Variants in ARHGAP44 observed in about 807,000 individuals in gnomAD.
The protein encoded by ARHGAP44 is rho GTPase-activating protein 44.
A neutral mutation model predicts 106.8 loss-of-function variants in ARHGAP44; 43 were observed. That is an observed-to-expected ratio of 0.40 (90% CI 0.32 to 0.52). The LOEUF is 0.52. Among genes scored for constraint, ARHGAP44 ranks in the 20% least tolerant of loss-of-function variants. The pLI is 0.48. For missense variants in ARHGAP44, 866 were observed against 1,050.5 expected (o/e 0.82, Z 2.43); for synonymous variants, 439 against 410.3 (o/e 1.07, Z -0.85).
At chr17:12,807,779 A>G (rs1322161328) in intron 1 of ARHGAP44, among the ~76,000 whole-genome samples, 2 of 152,176 alleles carry the variant, frequency 1.3e-5, no homozygotes, top group Non-Finnish European at 2.9e-5. Context: ...TCACATTTCA[A>G]AACCAACCAT....
chr17:12,874,068 G>A (rs1481001414), intron 1 of ARHGAP44, among the ~76,000 whole-genome samples: 1 of 152,192 alleles, frequency 6.6e-6, no homozygotes, highest in Admixed American at 6.5e-5. Context: ...CAGTGAGTCA[G>A]TGATGTCATG....
intron 1 of ARHGAP44, among the ~76,000 whole-genome samples, chr17:12,814,879 CCTTTA>C (rs1171230661): frequency 1.3e-5 from 2 of 152,138 alleles, no homozygotes; most frequent in African/African-American, 4.8e-5. Flanking sequence ...CAAAAACCCT[CCTTTA>C]CTTTTCACAC....
intron 12 of ARHGAP44, among the ~76,000 whole-genome samples, chr17:12,950,108 G>A (rs983761003): frequency 2.0e-5 from 3 of 152,106 alleles, no homozygotes; most frequent in Admixed American, 6.5e-5. Context: ...TTATAAAAAC[G>A]AAAACAAACA....
At chr17:12,837,785 A>T (rs781184802) in intron 1 of ARHGAP44, among the ~76,000 whole-genome samples, 8 of 152,112 alleles carry the variant, frequency 5.3e-5, no homozygotes, top group Non-Finnish European at 8.8e-5. Flanking sequence ...ACGTTATTAT[A>T]CATTGGGGGC....
intron 18 of ARHGAP44, among the ~76,000 whole-genome samples, chr17:12,977,217 G>T (rs1010673632): frequency 6.6e-6 from 1 of 152,074 alleles, no homozygotes; most frequent in African/African-American, 2.4e-5. Flanking sequence ...TTGGATGTTA[G>T]TGTTTTGTGT....
At chr17:12,980,009 G>A (rs2039790478) in intron 18 of ARHGAP44, 49 bp from the exon 19 acceptor site, 6 of 1,529,970 alleles carry the variant, frequency 3.9e-6, no homozygotes, top group African/African-American at 1.4e-5. Flanking sequence ...TGGTGCTGCC[G>A]CTCACTGAGT....
intron 1 of ARHGAP44, among the ~76,000 whole-genome samples, chr17:12,854,818 C>T (rs371475819): frequency 3.9e-5 from 6 of 152,054 alleles, no homozygotes; most frequent in African/African-American, 1.2e-4. Context: ...ATTAGCCAGG[C>T]GTGGTGGCGC....
At chr17:12,989,956 C>CATT in intron 20 of ARHGAP44, 76 bp from the exon 21 acceptor site, 14 of 1,565,646 alleles carry the variant, frequency 8.9e-6, no homozygotes, top group East Asian at 2.3e-5. Flanking sequence ...CTAAGGCTGA[C>CATT]ATTATTTGCC....
intron 1 of ARHGAP44, among the ~76,000 whole-genome samples, chr17:12,841,585 G>C (rs7222749): frequency 0.06 from 7,434 of 122,928 alleles, 408 homozygotes; most frequent in African/African-American, 0.14. Flanking sequence ...CTGTCTCTCT[G>C]TCTCTCTCTC....
rs374439788 is a variant in ARHGAP44 at position 12,984,595 on chromosome 17, C to A, written c.2004C>A (p.Asp668Glu). Reference protein sequence around the residue: ...VPFGQPGAMADQSAGQPSPVS... With the variant: ...VPFGQPGAMAEQSAGQPSPVS... ...TTGGCCAGCCGGGGGCTATGGCAGA[C>A]CAGTCCGCTGGCCAGCCGTCCCCAG... Residue 668 changes from aspartate to glutamate, a missense_variant, in exon 20 of 21, where the codon GAC becomes GAA. This residue lies in a region of ARHGAP44 where 418 missense variants were observed against 403.6 expected (regional missense o/e 1.04). Coordinates refer to ENST00000379672, the MANE Select transcript of ARHGAP44 (RefSeq NM_014859.6). 2.0e-4 allele frequency: 316 copies of A among 1,604,018 alleles called. No homozygotes were observed. The highest frequency in any genetic ancestry group is 2.6e-4 in the Non-Finnish European group (306 of 1,175,856).
intron 7 of ARHGAP44, among the ~76,000 whole-genome samples, chr17:12,934,733 A>C (rs1345447013): frequency 1.3e-5 from 2 of 152,172 alleles, no homozygotes; most frequent in East Asian, 3.9e-4. Context: ...ATTGACATAC[A>C]TTTGTCAAAG....
intron 1 of ARHGAP44, among the ~76,000 whole-genome samples, chr17:12,869,130 A>G (rs1444677094): frequency 6.6e-6 from 1 of 152,172 alleles, no homozygotes; most frequent in African/African-American, 2.4e-5. Flanking sequence ...TAACCTTGGG[A>G]AAGATTCATG....
In ARHGAP44 at chr17:12,974,293, T is replaced by C. The variant is rs2039613375; in HGVS notation, c.1746T>C (p.Pro582=). 3 of 1,444,730 alleles carry C rather than the reference T, an allele frequency of 2.1e-6. No individual in the cohort carries two copies. The highest frequency in any genetic ancestry group is 2.7e-6 in the Non-Finnish European group (3 of 1,105,956). 89.5% of individuals were successfully genotyped at this position (1,444,730 alleles called of 1,614,324 possible). The change falls in exon 18 of 21, where the codon CCT becomes CCC. Residue 582 remains proline (P), a synonymous_variant. Coordinates refer to ENST00000379672, the MANE Select transcript of ARHGAP44 (RefSeq NM_014859.6). ...ALSPSGLGLQ[P]GPERTSTTKS... ...CTCCATCCGGCCTGGGCCTCCAGCC[T>C]GGGCCCGAGCGCACCAGGTAAGCGC... is the stretch of plus-strand genomic sequence containing the variant.
chr17:12,794,751 G>A (rs2033869137), intron 1 of ARHGAP44, among the ~76,000 whole-genome samples: 1 of 152,118 alleles, frequency 6.6e-6, no homozygotes, highest in Non-Finnish European at 1.5e-5. Flanking sequence ...AGCTTTGCAG[G>A]TATCATTGCT....
chr17:12,944,302 A>G (rs768179723), intron 10 of ARHGAP44, 106 bp downstream of exon 10: 70 of 1,391,722 alleles, frequency 5.0e-5, no homozygotes, highest in Non-Finnish European at 6.3e-5. Context: ...GGCCCCCACG[A>G]ATCCAAATGG....
At chr17:12,896,196 C>T (rs1393151439) in intron 2 of ARHGAP44, among the ~76,000 whole-genome samples, 2 of 151,886 alleles carry the variant, frequency 1.3e-5, no homozygotes, top group Admixed American at 6.6e-5. Context: ...CAAGATGGCA[C>T]GTGTATACAT....
chr17:12,828,523 A>C (rs2034988633), intron 1 of ARHGAP44, among the ~76,000 whole-genome samples: 1 of 151,966 alleles, frequency 6.6e-6, no homozygotes, highest in African/African-American at 2.4e-5. Context: ...ATAGGCTGTT[A>C]CATTGAATCA....
intron 1 of ARHGAP44, among the ~76,000 whole-genome samples, chr17:12,792,400 T>C (rs922609391): frequency 4.6e-5 from 7 of 151,586 alleles, no homozygotes; most frequent in Non-Finnish European, 1.0e-4. Flanking sequence ...GTGTAGATAG[T>C]GCAATGCCGT....
At chr17:12,908,827 T>G (rs2037638667) in intron 3 of ARHGAP44, 70 bp from the exon 4 acceptor site, 1 of 1,294,574 alleles carries the variant, frequency 7.7e-7, no homozygotes, top group Non-Finnish European at 1.1e-6. Flanking sequence ...GTATTTGACT[T>G]TTTGCTATTT....
Sources: gnomAD v4.1 joint callset for allele counts (sites outside exome capture counted in the v4.1 genomes callset) on GRCh38, gnomAD v4.1.1 for gene constraint, gnomAD v4.1.1 regional missense constraint, MANE v1.5 for transcripts, NCBI Gene and HGNC (gene_info 2026-07-23, HGNC 2026-07-21) for gene names.